The following TNRC6A variants were observed in gnomAD, a reference collection of about 807,000 sequenced individuals.
TNRC6A encodes trinucleotide repeat containing adaptor 6A, also known as trinucleotide repeat-containing gene 6A protein.
Under a neutral mutation model 221.2 loss-of-function variants are expected in TNRC6A, and 44 were observed. That is an observed-to-expected ratio of 0.20 (90% CI 0.16 to 0.26). The LOEUF is 0.26. TNRC6A is among the 10% of genes least tolerant of loss of function. The pLI is 1.00. For synonymous variants in TNRC6A, 847 were observed against 838.5 expected, an observed-to-expected ratio of 1.01 and a Z score of -0.18; for missense variants, 2,199 against 2,404.4, an observed-to-expected ratio of 0.91 and a Z score of 1.79.
At position 24,789,888 on chromosome 16, in the gene TNRC6A, A is replaced by G. The variant is rs779788624; in HGVS notation, c.1246A>G (p.Thr416Ala). ...SINSKVSGGS[T>A]HGTWGSLQET... ...TAACTCTAAAGTGAGTGGTGGTTCT[A>G]CCCATGGTACCTGGGGAAGCCTTCA... The change falls in exon 6 of 25, where the codon ACC becomes GCC. Residue 416 changes from threonine to alanine, a missense_variant. By Grantham distance (58) the Thr-to-Ala change is moderately conservative. This residue lies in a region of TNRC6A where 1,405 missense variants were observed against 1,400.2 expected (regional missense o/e 1.00). Coordinates refer to ENST00000395799, the MANE Select transcript of TNRC6A (RefSeq NM_014494.4). 3.7e-6 allele frequency: 6 copies of G among 1,614,078 alleles called. No individual in the cohort carries two copies. The highest frequency in any genetic ancestry group is 4.2e-6 in the Non-Finnish European group (5 of 1,180,024).
In TNRC6A at chr16:24,777,102, G is replaced by GCAGCCA. The variant is rs10593507; in HGVS notation, c.339_344dup (p.Pro117_Gln118dup). 1.4e-5 allele frequency: 15 copies of GCAGCCA among 1,090,532 alleles called. No individual in the cohort carries two copies. The highest frequency in any genetic ancestry group is 1.6e-5 in the African/African-American group (1 of 60,646). The allele number at this position is 1,090,532 out of a possible 1,614,324, so 67.6% of individuals were successfully genotyped here. ...AGCCGCAGCAGCAGCAGCCACAGCA[G>GCAGCCA]CAGCCACAGCCGCAGCCGCAGCAGC... is the stretch of plus-strand genomic sequence containing the variant. On this transcript the variant is annotated inframe_insertion, in exon 5 of 25. Transcript: ENST00000395799.
At chr16:24,690,331 A>C (rs1357958973) in intron 2 of TNRC6A, among the ~76,000 whole-genome samples, 1 of 152,118 alleles carries the variant, frequency 6.6e-6, no homozygotes, top group Non-Finnish European at 1.5e-5. Flanking sequence ...ATTTTAATGG[A>C]AAATGAATAG....
intron 4 of TNRC6A, among the ~76,000 whole-genome samples, chr16:24,766,666 CTTT>C (rs981284339): frequency 1.4e-5 from 2 of 142,570 alleles, no homozygotes; most frequent in Non-Finnish European, 3.0e-5. Flanking sequence ...GTACTTTTTT[CTTT>C]TTATCTTTTT....
chr16:24,656,993 G>T (rs984280894), intron 2 of TNRC6A, among the ~76,000 whole-genome samples: 3 of 152,176 alleles, frequency 2.0e-5, no homozygotes, highest in Admixed American at 6.5e-5. Context: ...ACCATGACCT[G>T]GGTCTTTGAT....
rs529337674 is a variant in TNRC6A, at chr16:24,818,575, G to A, written c.4973-18G>A. On this transcript the variant is annotated intron_variant, in intron 20 of 24. Coordinates refer to ENST00000395799, the MANE Select transcript of TNRC6A (RefSeq NM_014494.4). ...CGTCCCTTGCTCTGGTGGCTGATTG[G>A]ACTCTTCCCCCACACAGGGTCATCC... 6.2e-6 allele frequency: 10 copies of A among 1,606,476 alleles called. No individual in the cohort carries two copies. Among genetic ancestry groups the A allele is most frequent in the African/African-American group, 1.3e-5 (1 of 74,730 alleles).
intron 2 of TNRC6A, among the ~76,000 whole-genome samples, chr16:24,714,357 G>T (rs189807001): frequency 3.2e-3 from 421 of 129,854 alleles, no homozygotes; most frequent in African/African-American, 0.012. Flanking sequence ...CGCCCAGGCT[G>T]GAGTGCAGTG....
intron 2 of TNRC6A, among the ~76,000 whole-genome samples, chr16:24,679,460 T>C (rs924334377): frequency 1.3e-5 from 2 of 151,746 alleles, no homozygotes; most frequent in African/African-American, 4.8e-5. Context: ...CATACCACCA[T>C]ACCTGACTAA....
At chr16:24,648,186 G>C (rs802768) in intron 2 of TNRC6A, among the ~76,000 whole-genome samples, 112,725 of 151,246 alleles carry the variant, frequency 0.75, 42,995 homozygotes, top group African/African-American at 0.89. Flanking sequence ...CCTGCTTTCA[G>C]TTCTTCTTGA....
chr16:24,644,081 A>ATTTTTTTTTTTTTT (rs748251760), intron 2 of TNRC6A, among the ~76,000 whole-genome samples: 2 of 81,560 alleles, frequency 2.5e-5, no homozygotes, highest in Non-Finnish European at 4.3e-5. Context: ...CTTATCTTTA[A>ATTTTTTTTTTTTTT]TTTTTTTTTT....
intron 2 of TNRC6A, among the ~76,000 whole-genome samples, chr16:24,659,356 G>T (rs1442957704): frequency 6.6e-6 from 1 of 152,000 alleles, no homozygotes; most frequent in East Asian, 1.9e-4. Flanking sequence ...AGAAATTTGG[G>T]TTTAAATTTT....
rs1162888500 is a variant in TNRC6A at position 24,823,436 on chromosome 16, G to A, written c.5518G>A (p.Val1840Ile). ...VKAQKSLHMC[V>I]LGNTTILAEF... is the part of the protein sequence containing the mutation. ...CGCGGTGCCTCTCTCCTCTAGGTGT[G>A]TACTGGGGAACACTACTATTCTTGC... Residue 1840 changes from valine (V) to isoleucine (I), a missense_variant, in exon 25 of 25, where the codon GTA becomes ATA. By Grantham distance (29) the Val-to-Ile change is conservative. Transcript: ENST00000395799. The surrounding 1 kb of genome is among the most constrained non-coding windows in gnomAD (Gnocchi z 4.3). 6.2e-7 allele frequency: 1 copy of A among 1,611,804 alleles called. No individual in the cohort carries two copies. Among genetic ancestry groups the A allele is most frequent in the Non-Finnish European group, 8.5e-7 (1 of 1,178,786 alleles).
intron 2 of TNRC6A, among the ~76,000 whole-genome samples, chr16:24,686,819 C>T (rs909368457): frequency 3.9e-5 from 6 of 152,112 alleles, no homozygotes; most frequent in Non-Finnish European, 5.9e-5. Flanking sequence ...TTTGGATTCC[C>T]CTCCTAAACC....
At chr16:24,620,539 G>T (rs1239873233) in intron 1 of TNRC6A, among the ~76,000 whole-genome samples, 1 of 152,172 alleles carries the variant, frequency 6.6e-6, no homozygotes, top group Admixed American at 6.5e-5. Context: ...CAGGAGGGGT[G>T]GCTCATGCCT....
At chr16:24,645,063 A>T (rs1902201778) in intron 2 of TNRC6A, among the ~76,000 whole-genome samples, 1 of 152,240 alleles carries the variant, frequency 6.6e-6, no homozygotes, top group African/African-American at 2.4e-5. Flanking sequence ...GTAGAACAGC[A>T]TATGCAGGTT....
chr16:24,625,970 T>C (rs1900966299), intron 1 of TNRC6A, among the ~76,000 whole-genome samples: 1 of 152,140 alleles, frequency 6.6e-6, no homozygotes, highest in African/African-American at 2.4e-5. Flanking sequence ...TCTAAGAGAT[T>C]CTAATTTATA....
intron 6 of TNRC6A, among the ~76,000 whole-genome samples, chr16:24,792,026 A>G (rs530100663): frequency 6.6e-6 from 1 of 152,276 alleles, no homozygotes; most frequent in Non-Finnish European, 1.5e-5. Flanking sequence ...TTCATTCTCT[A>G]TTAGAAATGC....
intron 4 of TNRC6A, among the ~76,000 whole-genome samples, chr16:24,769,178 C>G (rs2057537978): frequency 2.0e-5 from 3 of 151,678 alleles, no homozygotes; most frequent in Admixed American, 6.6e-5. Context: ...TTTTTTAAAA[C>G]AGTTTTAGAC....
At chr16:24,788,381 G>T (rs1196336110) in intron 5 of TNRC6A, among the ~76,000 whole-genome samples, 1 of 152,038 alleles carries the variant, frequency 6.6e-6, no homozygotes, top group Admixed American at 6.5e-5. Flanking sequence ...GGTTGAATAC[G>T]GACACTAATG....
At chr16:24,776,242 A>G (rs1377476843) in intron 4 of TNRC6A, 2 of 983,414 alleles carry the variant, frequency 2.0e-6, no homozygotes, top group Non-Finnish European at 2.4e-6. Context: ...TGAGTCAAAA[A>G]TTTCCCTATT....
Sources: gnomAD v4.1 joint callset for allele counts (sites outside exome capture counted in the v4.1 genomes callset) on GRCh38, gnomAD v4.1.1 for gene constraint, gnomAD v4.1.1 regional missense constraint, Gnocchi (gnomAD v3.1) non-coding constraint, MANE v1.5 for transcripts, NCBI Gene and HGNC (gene_info 2026-07-23, HGNC 2026-07-21) for gene names.